Variants in UFM1 observed in about 807,000 individuals in gnomAD.
UFM1 encodes the protein ubiquitin fold modifier 1.
UFM1 carries 9 observed loss-of-function variants against 15.4 expected under a neutral mutation model. That is an observed-to-expected ratio of 0.59 (90% CI 0.35 to 1.02). The LOEUF (loss-of-function observed/expected upper bound fraction) is 1.02. Ranked by LOEUF, UFM1 falls within the 50% of genes least tolerant of loss-of-function variation. The pLI, the probability that UFM1 is intolerant of heterozygous loss-of-function variation, is 0.02. For missense variants in UFM1, 98 were observed against 104.7 expected, an observed-to-expected ratio of 0.94 and a Z score of 0.28; for synonymous variants, 27 against 36.3, an observed-to-expected ratio of 0.74 and a Z score of 0.92.
At chr13:38,357,513 GT>G (rs34489703) in intron 3 of UFM1, among the ~76,000 whole-genome samples, 18,786 of 149,176 alleles carry the variant, frequency 0.13, 2,974 homozygotes, top group African/African-American at 0.37. Flanking sequence ...ATAATACAGG[GT>G]TTTTTTTTTA....
intron 2 of UFM1, among the ~76,000 whole-genome samples, chr13:38,350,832 A>G (rs938361691): frequency 2.0e-5 from 3 of 152,292 alleles, no homozygotes; most frequent in East Asian, 1.9e-4. Context: ...TCAATGATTT[A>G]CCAATCCATG....
At position 38,352,492 on chromosome 13, in the gene UFM1, A is replaced by G. The variant is rs150417612; in HGVS notation, c.60-1747A>G. On this transcript the variant is annotated intron_variant, in intron 2 of 5. Transcript: ENST00000239878. ...ATAATTCTTACCAATTTATGTTATT[A>G]TTTTGTTTATATATTTATTTAAAAA... is the stretch of plus-strand genomic sequence containing the variant. 3.8e-3 allele frequency among the ~76,000 whole-genome samples: 583 copies of G among 152,192 alleles called. 3 individuals are homozygous for G. Among genetic ancestry groups the G allele is most frequent in the African/African-American group, 0.013 (559 of 41,496 alleles).
intron 2 of UFM1, among the ~76,000 whole-genome samples, chr13:38,351,128 G>C (rs1274053385): frequency 6.6e-6 from 1 of 152,014 alleles, no homozygotes; most frequent in East Asian, 1.9e-4. Context: ...TCCTTATATA[G>C]TTAAGAGTCC....
At chr13:38,350,173 CTT>C in intron 2 of UFM1, 118 bp downstream of exon 2, 1 of 1,614,006 alleles carries the variant, frequency 6.2e-7, no homozygotes, top group Non-Finnish European at 8.5e-7. Context: ...ACTTCATCTA[CTT>C]TCCTGGCTCG....
chr13:38,350,911 A>T (rs1398388569), intron 2 of UFM1, among the ~76,000 whole-genome samples: 1 of 152,146 alleles, frequency 6.6e-6, no homozygotes, highest in African/African-American at 2.4e-5. Context: ...GTTACACTTT[A>T]TCTCAGGTGT....
chr13:38,361,403 A>G lies in UFM1; in HGVS notation c.*625A>G, dbSNP rs1324778898. 2 of 152,188 alleles carry G rather than the reference A, an allele frequency of 1.3e-5. No homozygotes were observed. Among genetic ancestry groups the G allele is most frequent in the Non-Finnish European group, 2.9e-5 (2 of 68,028 alleles). The allele number at this position is 152,188 out of a possible 1,614,324, so 9.4% of individuals were successfully genotyped here. On this transcript the variant is annotated 3_prime_UTR_variant, in exon 6 of 6. Transcript: ENST00000239878. ...TGTGTATAAATTGGTGTCCCATACC[A>G]GCTTTTAATGGTGGACCTATAGAAT...
chr13:38,355,210 G>A (rs1879042970), intron 3 of UFM1, among the ~76,000 whole-genome samples: 1 of 151,964 alleles, frequency 6.6e-6, no homozygotes, highest in Non-Finnish European at 1.5e-5. Flanking sequence ...CTGATTTATG[G>A]CAAGTCAGCC....
chr13:38,360,420 A>G (rs1296344334), intron 5 of UFM1, among the ~76,000 whole-genome samples: 1 of 151,946 alleles, frequency 6.6e-6, no homozygotes, highest in East Asian at 1.9e-4. Context: ...TAGATATATT[A>G]TTGTGTATTG....
At chr13:38,356,534 CAA>C (rs1879103774) in intron 3 of UFM1, among the ~76,000 whole-genome samples, 1 of 151,516 alleles carries the variant, frequency 6.6e-6, no homozygotes, top group African/African-American at 2.4e-5. Context: ...AATACTATAA[CAA>C]ATAATTGTTC....
Position 38,354,229 on chromosome 13 carries a change from C to A in UFM1, c.60-10C>A, listed in dbSNP as rs1183122266. 5 of 1,606,980 alleles carry A rather than the reference C, an allele frequency of 3.1e-6. No individual in the cohort carries two copies. In the African/African-American group the frequency reaches 6.7e-5, roughly 22 times the overall value. On this transcript the variant is annotated splice_polypyrimidine_tract_variant and intron_variant, in intron 2 of 5. Transcript: ENST00000239878. The stretch of plus-strand genomic sequence containing the variant: ...CTTTAAAAGAAACTGTTTTAAAATT[C>A]TTCTTGCAGACTCAGTGTTCCTGAA...
chr13:38,358,270 C>G (rs1177842621), intron 4 of UFM1, 138 bp downstream of exon 4: 1 of 435,476 alleles, frequency 2.3e-6, no homozygotes, highest in Non-Finnish European at 4.0e-6. Context: ...CTGGTAAACA[C>G]TAAGTCAGGG....
intron 2 of UFM1, among the ~76,000 whole-genome samples, chr13:38,350,698 T>G (rs1406788519): frequency 6.6e-6 from 1 of 152,212 alleles, no homozygotes; most frequent in African/African-American, 2.4e-5. Context: ...TGATAGATTT[T>G]AAGTAAACAC....
intron 2 of UFM1, among the ~76,000 whole-genome samples, chr13:38,352,572 A>T (rs1878911065): frequency 6.6e-6 from 1 of 152,234 alleles, no homozygotes; most frequent in East Asian, 1.9e-4. Context: ...AATTTATTCA[A>T]AACACTGGGA....
chr13:38,351,891 G>A (rs571875143), intron 2 of UFM1, among the ~76,000 whole-genome samples: 30 of 151,890 alleles, frequency 2.0e-4, no homozygotes, highest in East Asian at 9.7e-4. Flanking sequence ...TTCACATAAC[G>A]TGTAAATGTG....
rs763170987 is a variant in UFM1 at position 38,360,821 on chromosome 13, T to C, written c.*43T>C. 10 of 1,499,880 alleles carry C rather than the reference T, an allele frequency of 6.7e-6. No homozygotes were observed. The highest frequency in any genetic ancestry group is 3.5e-5 in the Admixed American group (2 of 57,644). The allele number at this position is 1,499,880 out of a possible 1,614,324, so 92.9% of individuals were successfully genotyped here. ...ATACGATTGCCTTTCAGAATAAATATTGGTATTTTTTGTTGTTGTAAAATT... is the reference window on the plus strand; with the variant it reads ...ATACGATTGCCTTTCAGAATAAATACTGGTATTTTTTGTTGTTGTAAAATT... On this transcript the variant is annotated 3_prime_UTR_variant, in exon 6 of 6. Coordinates refer to ENST00000239878, the MANE Select transcript of UFM1 (RefSeq NM_016617.4).
At chr13:38,351,147 A>G (rs1440300911) in intron 2 of UFM1, among the ~76,000 whole-genome samples, 1 of 152,130 alleles carries the variant, frequency 6.6e-6, no homozygotes, top group East Asian at 1.9e-4. Context: ...CCATTGGTCC[A>G]CCTTTAAATC....
intron 3 of UFM1, 42 bp from the exon 4 acceptor site, chr13:38,358,050 TG>T: frequency 1.2e-6 from 1 of 804,082 alleles, no homozygotes. Flanking sequence ...TGTGTGTGTG[TG>T]TGTGTGTATA....
At position 38,362,445 on chromosome 13, in the gene UFM1, TTTTA is replaced by T. The variant is rs761209747; in HGVS notation, c.*1671_*1674del. On this transcript the variant is annotated 3_prime_UTR_variant, in exon 6 of 6. Coordinates refer to ENST00000239878, the MANE Select transcript of UFM1 (RefSeq NM_016617.4). Reference sequence around the variant, plus strand: ...GAAAAAATCTGATGTTTGAGGAAGTTTTTATTTTTATTTATTTGTTTTGTTTTTT... The same window carrying T: ...GAAAAAATCTGATGTTTGAGGAAGTTTTTTTATTTATTTGTTTTGTTTTTT... 2 of 142,610 alleles carry T rather than the reference TTTTA, an allele frequency of 1.4e-5. No homozygotes were observed. The highest frequency in any genetic ancestry group is 3.0e-5 in the Non-Finnish European group (2 of 66,048). The allele number at this position is 142,610 out of a possible 1,614,324, so 8.8% of individuals were successfully genotyped here. A position where few individuals can be genotyped will look rare whatever the true frequency, so the allele number is the denominator to read the frequency against.
At position 38,349,982 on chromosome 13, in the gene UFM1, C is replaced by G. The variant is rs755446233; in HGVS notation, c.3-17C>G. 1 of 1,614,068 alleles carries G rather than the reference C, an allele frequency of 6.2e-7. No individual in the cohort carries two copies. The highest frequency in any genetic ancestry group is 8.5e-7 in the Non-Finnish European group (1 of 1,179,888). On this transcript the variant is annotated splice_polypyrimidine_tract_variant and intron_variant, in intron 1 of 5. Coordinates refer to ENST00000239878, the MANE Select transcript of UFM1 (RefSeq NM_016617.4). ...TCCAGCTGCCCGACCCTGACTCTCT[C>G]CCGCTCTTTTCCTCAGGTCGAAGGT...
Sources: gnomAD v4.1 joint callset for allele counts (sites outside exome capture counted in the v4.1 genomes callset) on GRCh38, gnomAD v4.1.1 for gene constraint, MANE v1.5 for transcripts, NCBI Gene and HGNC (gene_info 2026-07-23, HGNC 2026-07-21) for gene names.